TNC: variants seen among roughly 807,000 people sequenced by gnomAD.
TNC encodes the protein tenascin C.
In TNC, 109 loss-of-function variants were observed where a neutral mutation model predicts 202.4. The observed-to-expected ratio is 0.54, with a 90% CI of 0.46 to 0.63. TNC has a LOEUF of 0.63. TNC is among the 30% of genes least tolerant of loss of function. The pLI, the probability that TNC is intolerant of heterozygous loss-of-function variation, is 0.00. For missense variants in TNC, 2,756 were observed against 2,833.3 expected, an observed-to-expected ratio of 0.97 and a Z score of 0.62; for synonymous variants, 1,007 against 1,089.7, an observed-to-expected ratio of 0.92 and a Z score of 1.50.
intron 6 of TNC, among the ~76,000 whole-genome samples, chr9:115,080,224 A>G (rs1189436967): frequency 2.6e-5 from 4 of 152,214 alleles, no homozygotes; most frequent in Non-Finnish European, 5.9e-5. Context: ...CCAAATTTAG[A>G]TAAACAAAAG....
rs774137983 is a variant in TNC, at chr9:115,086,751, T to G, written c.980A>C (p.Asn327Thr). Residue 327 changes from asparagine to threonine, a missense_variant, in exon 3 of 28, where the codon AAT becomes ACT. Transcript: ENST00000350763. The part of the protein sequence containing the change: ...NDCFDRGRCI[N>T]GTCYCEEGFT... ...GCCTTCTTCGCAGTAGCAGGTGCCA[T>G]TGATGCAGCGGCCCCGGTCGAAGCA... 1.9e-6 allele frequency: 3 copies of G among 1,613,810 alleles called. No individual in the cohort carries two copies. The African/African-American group carries it at 4.0e-5, about 22-fold the overall frequency.
intron 25 of TNC, among the ~76,000 whole-genome samples, chr9:115,028,924 GA>G (rs57737243): frequency 6.3e-5 from 4 of 63,964 alleles, no homozygotes; most frequent in East Asian, 8.1e-4. Flanking sequence ...CATTATCTCT[GA>G]AAAAAAAAAA....
chr9:115,080,367 G>A lies in TNC; in HGVS notation c.2404+1405C>T, dbSNP rs184389006. 4.9e-3 allele frequency among the ~76,000 whole-genome samples: 746 copies of A among 152,154 alleles called. 5 individuals are homozygous for A. Among genetic ancestry groups the A allele is most frequent in the African/African-American group, 0.017 (689 of 41,500 alleles). ...CCTGCTTTTCTACCTACCACAGAGA[G>A]GTGGTGTCAGGATGATGGAAAACAC... On this transcript the variant is annotated intron_variant, in intron 6 of 27. Transcript: ENST00000350763.
intron 23 of TNC, among the ~76,000 whole-genome samples, chr9:115,030,811 A>G (rs1053072568): frequency 1.3e-5 from 2 of 152,176 alleles, no homozygotes; most frequent in African/African-American, 4.8e-5. Context: ...GGCTCTCCAA[A>G]GGCCAGCTCC....
At chr9:115,069,257 T>C (rs1283060694) in intron 10 of TNC, among the ~76,000 whole-genome samples, 1 of 152,240 alleles carries the variant, frequency 6.6e-6, no homozygotes, top group Non-Finnish European at 1.5e-5. Context: ...TCAAGGCTTA[T>C]GTTGCTATGA....
rs180816974 is a variant in TNC at position 115,023,402 on chromosome 9, G to A, written c.6495+571C>T. Among the ~76,000 whole-genome samples the A allele has an allele frequency of 1.6e-4, 24 of 152,200 alleles. No homozygotes were observed. The South Asian group carries it at 2.9e-3, about 18-fold the overall frequency. ...CGTTCGCCTATTTCTAAAAGGGATC[G>A]AAAAAAATCTGTTTCTGTGATTGTA... is the stretch of plus-strand genomic sequence containing the variant. On this transcript the variant is annotated intron_variant, in intron 27 of 27. Coordinates refer to ENST00000350763, the MANE Select transcript of TNC (RefSeq NM_002160.4).
intron 1 of TNC, among the ~76,000 whole-genome samples, chr9:115,096,733 T>C (rs1835824667): frequency 6.6e-6 from 1 of 152,194 alleles, no homozygotes; most frequent in Non-Finnish European, 1.5e-5. Flanking sequence ...CATATCCAGG[T>C]ACAAGTGAGA....
In TNC at chr9:115,101,996, A is replaced by AT. The variant is rs1473823267; in HGVS notation, c.-136-10843dup. 2.6e-5 allele frequency among the ~76,000 whole-genome samples: 4 copies of AT among 152,182 alleles called. No individual in the cohort carries two copies. In the East Asian group the frequency reaches 7.7e-4, roughly 29 times the overall value. ...ATTAACTATAATTTATTAAGTGTTG[A>AT]TTTTGCCAGAGCCTGTGCTTAGTTA... is the stretch of plus-strand genomic sequence containing the variant. On this transcript the variant is annotated intron_variant, in intron 1 of 27. Coordinates refer to ENST00000350763, the MANE Select transcript of TNC (RefSeq NM_002160.4).
At chr9:115,056,635 A>G (rs1306909170) in intron 15 of TNC, among the ~76,000 whole-genome samples, 1 of 152,248 alleles carries the variant, frequency 6.6e-6, no homozygotes, top group East Asian at 1.9e-4. Context: ...TCCTGCACTC[A>G]TCTGATAAGT....
intron 1 of TNC, among the ~76,000 whole-genome samples, chr9:115,105,737 G>A (rs1490208552): frequency 1.3e-5 from 2 of 152,108 alleles, no homozygotes; most frequent in African/African-American, 2.4e-5. Flanking sequence ...TCTACAACAC[G>A]TTGATAGGTA....
chr9:115,024,906 C>T (rs1829361318), intron 26 of TNC, among the ~76,000 whole-genome samples: 1 of 152,168 alleles, frequency 6.6e-6, no homozygotes, highest in Admixed American at 6.5e-5. Context: ...AAGTGCTGTG[C>T]ACAAACATTT....
chr9:115,059,695 C>G (rs1308318510), intron 14 of TNC, 35 bp downstream of exon 14: 1 of 1,541,950 alleles, frequency 6.5e-7, no homozygotes, highest in Admixed American at 2.1e-5. Context: ...AGCAAAGAAC[C>G]TTGGGGAGAA....
rs2094794 is a variant in TNC at position 115,046,209 on chromosome 9, C to T, written c.5125+201G>A. On this transcript the variant is annotated intron_variant, in intron 17 of 27. Coordinates refer to ENST00000350763, the MANE Select transcript of TNC (RefSeq NM_002160.4). ...GAATTATCTCATTTAATCCTCACAA[C>T]CCTATTAAGTAAATGGCATCATACT... 0.057 allele frequency among the ~76,000 whole-genome samples: 8,749 copies of T among 152,250 alleles called. 347 individuals are homozygous for T. Among genetic ancestry groups the T allele is most frequent in the East Asian group, 0.11 (576 of 5,190 alleles).
intron 19 of TNC, among the ~76,000 whole-genome samples, chr9:115,039,803 G>A (rs1388976193): frequency 2.6e-5 from 4 of 152,258 alleles, no homozygotes; most frequent in Admixed American, 6.5e-5. Context: ...GGGGCATTGG[G>A]AGGAACTACG....
rs1832412541 is a variant in TNC, at chr9:115,059,848, A to G, written c.4188T>C (p.Pro1396=). 1 of 1,614,066 alleles carries G rather than the reference A, an allele frequency of 6.2e-7. No homozygotes were observed. The highest frequency in any genetic ancestry group is 8.5e-7 in the Non-Finnish European group (1 of 1,180,010). The change falls in exon 14 of 28, where the codon CCT becomes CCC. Residue 1396 remains proline, a synonymous_variant. Transcript: ENST00000350763. ...KVEAAQNLTL[P]GSLRAVDIPG... ...GGATGTCCACAGCCCTGAGGCTGCCAGGCAACGTGAGGTTCTGGGCTGCCT... is the reference window on the plus strand; with the variant it reads ...GGATGTCCACAGCCCTGAGGCTGCCGGGCAACGTGAGGTTCTGGGCTGCCT...
chr9:115,048,423 C>T lies in TNC; in HGVS notation c.4689G>A (p.Val1563=). The T allele has an allele frequency of 1.9e-6, 3 of 1,614,032 alleles. No homozygotes were observed. Among genetic ancestry groups the T allele is most frequent in the Non-Finnish European group, 1.7e-6 (2 of 1,179,966 alleles). Residue 1563 remains valine (V), a synonymous_variant, in exon 16 of 28, where the codon GTG becomes GTA. Transcript: ENST00000350763. ...ENAFDSFLVT[V]VDSGKLLDPQ... is the part of the protein sequence containing the mutation. The stretch of plus-strand genomic sequence containing the variant: ...GGTCCAGCAGCTTCCCAGAATCCAC[C>T]ACCGTTACTAGAAAGCTGTCAAAGG...
chr9:115,075,994 A>C lies in TNC; in HGVS notation c.2950+38T>G. On this transcript the variant is annotated intron_variant, in intron 9 of 27. Transcript: ENST00000350763. ...ATTGACTCTGTCTCATCTGCCCAGC[A>C]CCAGCTCAGTGGGATGGGAATTCCA... 2.5e-6 allele frequency: 4 copies of C among 1,574,154 alleles called. No individual in the cohort carries two copies. The African/African-American group carries it at 5.4e-5, about 21-fold the overall frequency.
Position 115,084,472 on chromosome 9 carries a change from A to G in TNC, c.1868T>C (p.Val623Ala). 6.2e-7 allele frequency: 1 copy of G among 1,613,746 alleles called. No individual in the cohort carries two copies. The highest frequency in any genetic ancestry group is 8.5e-7 in the Non-Finnish European group (1 of 1,179,698). ...CACAACGAGGTCTTTGGGAGGAGACACTGGCAGGAATAAGAAAGGACATCT... is the reference window on the plus strand; with the variant it reads ...CACAACGAGGTCTTTGGGAGGAGACGCTGGCAGGAATAAGAAAGGACATCT... ...EGYSGEDCSE[V>A]SPPKDLVVTE... The change falls in exon 4 of 28, where the codon GTG (valine) becomes GCG (alanine). Residue 623 changes from valine to alanine, a missense_variant and splice_region_variant. Physicochemically the swap from Val to Ala is moderately conservative, Grantham distance 64. Transcript: ENST00000350763.
intron 1 of TNC, among the ~76,000 whole-genome samples, chr9:115,115,951 T>G (rs1837430394): frequency 6.6e-6 from 1 of 152,216 alleles, no homozygotes; most frequent in South Asian, 2.1e-4. Flanking sequence ...AATCATGATC[T>G]TAGAATATTA....
Sources: gnomAD v4.1 joint callset for allele counts (sites outside exome capture counted in the v4.1 genomes callset) on GRCh38, gnomAD v4.1.1 for gene constraint, MANE v1.5 for transcripts, NCBI Gene and HGNC (gene_info 2026-07-23, HGNC 2026-07-21) for gene names.